ASTN1: variants seen among roughly 807,000 people sequenced by gnomAD.
ASTN1 encodes astrotactin 1.
ASTN1 carries 41 observed loss-of-function variants against 140.7 expected under a neutral mutation model. The ratio of observed to expected loss-of-function variants is 0.29; its 90% CI spans 0.23 to 0.38. ASTN1 has a LOEUF of 0.38. Ranked by LOEUF, ASTN1 falls within the 10% of genes least tolerant of loss-of-function variation. The probability of loss-of-function intolerance (pLI) is 1.00; values close to 1 mark genes in which losing one functional copy is unlikely to be tolerated. For missense variants in ASTN1, 1,479 were observed against 1,678.8 expected, an observed-to-expected ratio of 0.88 and a Z score of 2.08; for synonymous variants, 640 against 652.2, an observed-to-expected ratio of 0.98 and a Z score of 0.29.
intron 16 of ASTN1, among the ~76,000 whole-genome samples, chr1:176,923,425 A>G (rs937046323): frequency 6.6e-6 from 1 of 152,218 alleles, no homozygotes; most frequent in Admixed American, 6.5e-5. Context: ...ATCCCAATCC[A>G]GTATTCTTTC....
rs775673642 is a variant in ASTN1 at position 177,014,860 on chromosome 1, T to C, written c.1454A>G (p.Tyr485Cys). The C allele has an allele frequency of 5.0e-6, 8 of 1,613,480 alleles. No homozygotes were observed. Among genetic ancestry groups the C allele is most frequent in the Admixed American group, 1.7e-5 (1 of 59,992 alleles). Residue 485 changes from tyrosine to cysteine, a missense_variant, in exon 8 of 23, where the codon TAT (tyrosine) becomes TGT (cysteine). Physicochemically the swap from Tyr to Cys is radical, Grantham distance 194. Around this residue, in one of 3 missense-constraint regions of ASTN1, gnomAD observed 729 missense variants for 860.4 expected, o/e 0.85. Coordinates refer to ENST00000361833, the MANE Select transcript of ASTN1 (RefSeq NM_004319.3). ...TACTGGATCCTTCATGTAGCCTTCA[T>C]AGCAGAGGCATTCCCCTTAGAAGCA... ...CDPETGECLC[Y>C]EGYMKDPVHK...
chr1:177,145,465 G>A (rs1682678850), intron 1 of ASTN1, among the ~76,000 whole-genome samples: 3 of 152,128 alleles, frequency 2.0e-5, no homozygotes. Flanking sequence ...TCTCAACCAA[G>A]CACTCTTCCT....
chr1:176,971,520 C>T (rs1673140305), intron 8 of ASTN1, among the ~76,000 whole-genome samples: 2 of 152,146 alleles, frequency 1.3e-5, no homozygotes, highest in African/African-American at 4.8e-5. Flanking sequence ...CCGACATATC[C>T]CCTGTCCCTC....
At chr1:177,062,064 G>A (rs1263875140) in intron 1 of ASTN1, among the ~76,000 whole-genome samples, 1 of 151,996 alleles carries the variant, frequency 6.6e-6, no homozygotes, top group Non-Finnish European at 1.5e-5. Context: ...AGGTAGTACT[G>A]CAAAATATGC....
chr1:176,880,406 T>C (rs1466889082), intron 20 of ASTN1, among the ~76,000 whole-genome samples: 2 of 152,146 alleles, frequency 1.3e-5, no homozygotes, highest in Non-Finnish European at 2.9e-5. Flanking sequence ...CTGTCTGCTG[T>C]CACACGTCCG....
chr1:176,872,518 C>T lies in ASTN1; in HGVS notation c.3464-3491G>A, dbSNP rs552568459. 7.0e-4 allele frequency among the ~76,000 whole-genome samples: 107 copies of T among 152,222 alleles called. 1 individual carries two copies. The South Asian group carries it at 0.019, about 27-fold the overall frequency. On this transcript the variant is annotated intron_variant, in intron 21 of 22. Coordinates refer to ENST00000361833, the MANE Select transcript of ASTN1 (RefSeq NM_004319.3). ...ATTCTCCAATAATGAAAAGGAGAACCGAAAGGATTTGCCAATGGGTTGGAT... is the reference window on the plus strand; with the variant it reads ...ATTCTCCAATAATGAAAAGGAGAACTGAAAGGATTTGCCAATGGGTTGGAT...
intron 17 of ASTN1, among the ~76,000 whole-genome samples, chr1:176,890,416 G>C (rs891373094): frequency 3.9e-5 from 6 of 152,122 alleles, no homozygotes; most frequent in Non-Finnish European, 8.8e-5. Context: ...AGACCAGCCT[G>C]GATGGAACTT....
At chr1:177,001,332 T>G (rs189798625) in intron 8 of ASTN1, among the ~76,000 whole-genome samples, 6 of 152,274 alleles carry the variant, frequency 3.9e-5, no homozygotes, top group East Asian at 1.9e-4. Flanking sequence ...CATCATTTGG[T>G]GAAAGTTCAA....
chr1:177,129,758 G>T (rs1295470673), intron 1 of ASTN1, among the ~76,000 whole-genome samples: 1 of 152,148 alleles, frequency 6.6e-6, no homozygotes, highest in Non-Finnish European at 1.5e-5. Context: ...CATGAGGTCA[G>T]AAGATCGAGA....
At chr1:176,879,938 A>T (rs961974951) in intron 20 of ASTN1, among the ~76,000 whole-genome samples, 4 of 152,110 alleles carry the variant, frequency 2.6e-5, no homozygotes, top group African/African-American at 4.8e-5. Context: ...TACACATTTC[A>T]TGTGGAAATG....
At chr1:176,951,359 G>C (rs1672185226) in intron 11 of ASTN1, among the ~76,000 whole-genome samples, 1 of 152,248 alleles carries the variant, frequency 6.6e-6, no homozygotes, top group Non-Finnish European at 1.5e-5. Flanking sequence ...GGCTGCCCAG[G>C]CATGGATGCA....
chr1:177,049,790 G>A (rs141741720), intron 2 of ASTN1, among the ~76,000 whole-genome samples: 1 of 152,292 alleles, frequency 6.6e-6, no homozygotes, highest in East Asian at 1.9e-4. Context: ...GGGACCTGTT[G>A]GTGTTGCCTT....
chr1:176,892,072 T>C (rs1282199768), intron 17 of ASTN1, among the ~76,000 whole-genome samples: 1 of 152,044 alleles, frequency 6.6e-6, no homozygotes, highest in African/African-American at 2.4e-5. Flanking sequence ...AAAATGTGTT[T>C]GGGGGGTAGA....
Position 176,863,789 on chromosome 1 carries a change from G to A in ASTN1, c.*495C>T. On this transcript the variant is annotated 3_prime_UTR_variant, in exon 23 of 23. Coordinates refer to ENST00000361833, the MANE Select transcript of ASTN1 (RefSeq NM_004319.3). ...TCAATTTTCTATTGTCTCTCTCTGT[G>A]AGCAGGGCCAAGGCTCCCAGAGTGA... The A allele has an allele frequency of 1.0e-6, 1 of 989,526 alleles. No individual in the cohort carries two copies. Among genetic ancestry groups the A allele is most frequent in the Non-Finnish European group, 1.2e-6 (1 of 832,316 alleles). The allele number at this position is 989,526 out of a possible 1,614,324, so 61.3% of individuals were successfully genotyped here. A position where few individuals can be genotyped will look rare whatever the true frequency, so the allele number is the denominator to read the frequency against.
At chr1:177,130,729 A>C (rs1364720775) in intron 1 of ASTN1, among the ~76,000 whole-genome samples, 2 of 152,156 alleles carry the variant, frequency 1.3e-5, no homozygotes, top group African/African-American at 2.4e-5. Flanking sequence ...CACACTGTCA[A>C]GGGTAATTAA....
chr1:177,032,475 C>A lies in ASTN1; in HGVS notation c.846G>T (p.Ser282=), dbSNP rs368841654. 15 of 1,613,876 alleles carry A rather than the reference C, an allele frequency of 9.3e-6. No homozygotes were observed. The African/African-American group carries it at 1.9e-4, about 20-fold the overall frequency. ...CCCCACCTGGTGTGAGGTCCATCCCCGACTTTTCATTGCAGCCCTGCAGGG... is the reference window on the plus strand; with the variant it reads ...CCCCACCTGGTGTGAGGTCCATCCCAGACTTTTCATTGCAGCCCTGCAGGG... ...LDSLQGCNEK[S]GMDLTPGSDN... The change falls in exon 3 of 23, where the codon TCG becomes TCT. Residue 282 remains serine (S), a synonymous_variant. Coordinates refer to ENST00000361833, the MANE Select transcript of ASTN1 (RefSeq NM_004319.3).
At chr1:176,955,295 T>TTC (rs1672355142) in intron 11 of ASTN1, among the ~76,000 whole-genome samples, 1 of 152,130 alleles carries the variant, frequency 6.6e-6, no homozygotes, top group Non-Finnish European at 1.5e-5. Context: ...ACTCTGCTGA[T>TTC]ATATCAGAGC....
intron 16 of ASTN1, among the ~76,000 whole-genome samples, chr1:176,910,405 C>T (rs1370831919): frequency 6.6e-6 from 1 of 152,164 alleles, no homozygotes; most frequent in Non-Finnish European, 1.5e-5. Flanking sequence ...ACAAACCCCA[C>T]TCAATTGGGT....
intron 11 of ASTN1, 140 bp downstream of exon 11, chr1:176,957,538 A>G: frequency 8.8e-7 from 1 of 1,133,560 alleles, no homozygotes; most frequent in East Asian, 2.5e-5. Context: ...TTATCAAGAG[A>G]AAATCCCTAA....
Sources: allele counts gnomAD v4.1 joint callset (sites outside exome capture counted in the v4.1 genomes callset), GRCh38; gene constraint gnomAD v4.1.1; regional missense constraint gnomAD v4.1.1; transcripts MANE v1.5; gene names NCBI Gene and HGNC (gene_info 2026-07-23, HGNC 2026-07-21).